CDK14: variants seen among roughly 807,000 people sequenced by gnomAD.
The protein encoded by CDK14 is cyclin dependent kinase 14.
In CDK14, 34 loss-of-function variants were observed where a neutral mutation model predicts 60.7. The observed-to-expected ratio is 0.56, with a 90% CI of 0.43 to 0.75. The LOEUF (loss-of-function observed/expected upper bound fraction) is 0.75. CDK14 is among the 30% of genes least tolerant of loss of function. CDK14 has a pLI of 0.00. For synonymous variants in CDK14, 197 were observed against 203.7 expected (o/e 0.97, Z 0.28); for missense variants, 482 against 564.1 (o/e 0.85, Z 1.47).
chr7:90,806,688 C>T (rs199938415), intron 5 of CDK14, among the ~76,000 whole-genome samples: 16 of 152,292 alleles, frequency 1.1e-4, no homozygotes, highest in South Asian at 2.1e-4. Flanking sequence ...ACCTGGGAAG[C>T]ACAAGAGGTC....
At chr7:90,857,125 A>AG (rs398005433) in intron 5 of CDK14, among the ~76,000 whole-genome samples, 1 of 151,140 alleles carries the variant, frequency 6.6e-6, no homozygotes, top group East Asian at 1.9e-4. Flanking sequence ...GAAAAAAAAA[A>AG]CACACCACTA....
intron 9 of CDK14, among the ~76,000 whole-genome samples, chr7:90,968,830 A>AAC (rs1410620790): frequency 2.0e-5 from 3 of 151,726 alleles, no homozygotes; most frequent in African/African-American, 7.3e-5. Context: ...CAGAAAACAA[A>AAC]AAAAAAACAG....
chr7:90,780,805 T>G (rs1157449701), intron 4 of CDK14, among the ~76,000 whole-genome samples: 1 of 151,822 alleles, frequency 6.6e-6, no homozygotes, highest in Non-Finnish European at 1.5e-5. Context: ...TCTATCATTG[T>G]TGGACATTTG....
chr7:90,783,974 C>G (rs915716291), intron 4 of CDK14, among the ~76,000 whole-genome samples: 3 of 152,052 alleles, frequency 2.0e-5, no homozygotes, highest in African/African-American at 7.2e-5. Flanking sequence ...ACCTGCACCC[C>G]CATGTTTATT....
At chr7:91,125,704 A>T (rs1052091811) in intron 14 of CDK14, among the ~76,000 whole-genome samples, 3 of 152,206 alleles carry the variant, frequency 2.0e-5, no homozygotes, top group African/African-American at 7.2e-5. Context: ...AGTTAGAGTC[A>T]TTGGTGGAAA....
intron 9 of CDK14, among the ~76,000 whole-genome samples, chr7:90,957,406 C>G (rs1239050693): frequency 6.6e-6 from 1 of 152,142 alleles, no homozygotes; most frequent in African/African-American, 2.4e-5. Context: ...AAGAGGAAGT[C>G]AAATTGTCCC....
chr7:90,883,205 C>T (rs117611128), intron 6 of CDK14, among the ~76,000 whole-genome samples: 1 of 151,508 alleles, frequency 6.6e-6, no homozygotes, highest in African/African-American at 2.4e-5. Flanking sequence ...CCTAGCTAGA[C>T]TAATAAAGAA....
chr7:91,105,604 A>T (rs765127201), intron 12 of CDK14, among the ~76,000 whole-genome samples: 1 of 152,182 alleles, frequency 6.6e-6, no homozygotes, highest in African/African-American at 2.4e-5. Flanking sequence ...CACATTCTCA[A>T]TCCAGGCCTC....
chr7:90,905,270 G>A (rs1051291757), intron 7 of CDK14, among the ~76,000 whole-genome samples: 6 of 152,144 alleles, frequency 3.9e-5, no homozygotes, highest in African/African-American at 1.4e-4. Flanking sequence ...TTGTTAGTTA[G>A]AATACCAAAT....
intron 4 of CDK14, among the ~76,000 whole-genome samples, chr7:90,748,765 CTT>C (rs1382117626): frequency 6.6e-6 from 1 of 152,012 alleles, no homozygotes; most frequent in Non-Finnish European, 1.5e-5. Flanking sequence ...TTAAAAAACT[CTT>C]TTGCAGAAAC....
In CDK14 at chr7:90,596,569, GT is replaced by G; in HGVS notation, c.-57del. 6.8e-7 allele frequency: 1 copy of G among 1,463,796 alleles called. No individual in the cohort carries two copies. The highest frequency in any genetic ancestry group is 9.5e-7 in the Non-Finnish European group (1 of 1,052,650). 90.7% of individuals were successfully genotyped at this position (1,463,796 alleles called of 1,614,324 possible). Reference sequence around the variant, plus strand: ...TTTCCCCGCGGCGCGCGCCCTCGCCGTTGTCTGAGCTGTGCCTGGACCAGTT... The same window carrying G: ...TTTCCCCGCGGCGCGCGCCCTCGCCGTGTCTGAGCTGTGCCTGGACCAGTT... On this transcript the variant is annotated 5_prime_UTR_variant, in exon 1 of 15. Transcript: ENST00000380050.
intron 4 of CDK14, among the ~76,000 whole-genome samples, chr7:90,787,499 A>G (rs1203911248): frequency 2.0e-5 from 3 of 152,230 alleles, no homozygotes; most frequent in African/African-American, 7.2e-5. Flanking sequence ...TTTTGGAAAT[A>G]ATACTTTTAG....
Position 90,606,442 on chromosome 7 carries a change from T to C in CDK14, c.123+2193T>C, listed in dbSNP as rs566396364. On this transcript the variant is annotated intron_variant, in intron 2 of 14. Coordinates refer to ENST00000380050, the MANE Select transcript of CDK14 (RefSeq NM_001287135.2). The stretch of plus-strand genomic sequence containing the variant: ...TCACAAAAAGTGAATAGCTCATAAT[T>C]GGTGTTATCATCTTCATTGCCTTCA... Among the ~76,000 whole-genome samples, 9 of 152,344 alleles carry C rather than the reference T, an allele frequency of 5.9e-5. No homozygotes were observed. In the East Asian group the frequency reaches 1.7e-3, roughly 29 times the overall value.
chr7:91,171,016 T>C (rs1801501007), intron 14 of CDK14, among the ~76,000 whole-genome samples: 1 of 152,030 alleles, frequency 6.6e-6, no homozygotes, highest in African/African-American at 2.4e-5. Context: ...GATTTGGTGA[T>C]CCACCCACCT....
At chr7:91,062,768 CACCCCAAAGGTGTACTAT>C in intron 11 of CDK14, among the ~76,000 whole-genome samples, 1 of 152,218 alleles carries the variant, frequency 6.6e-6, no homozygotes, top group South Asian at 2.1e-4. Flanking sequence ...AAAAACAAAC[CACCCCAAAGGTGTACTAT>C]ACCCCACTAA....
rs542657235 is a variant in CDK14 at position 90,740,309 on chromosome 7, A to AGT, written c.370-7359_370-7358dup. ...GAGAGAGAAAGAAAGAAAGAGAAAG[A>AGT]GTGTGTGTGTGTGTTATGGGCTGAA... is the stretch of plus-strand genomic sequence containing the variant. On this transcript the variant is annotated intron_variant, in intron 3 of 14. Transcript: ENST00000380050. Among the ~76,000 whole-genome samples the AGT allele has an allele frequency of 6.0e-3, 906 of 151,250 alleles. 14 individuals carry two copies. The highest frequency in any genetic ancestry group is 0.027 in the Middle Eastern group (8 of 294).
At chr7:90,615,705 A>G (rs1053800392) in intron 2 of CDK14, among the ~76,000 whole-genome samples, 2 of 152,138 alleles carry the variant, frequency 1.3e-5, no homozygotes, top group Non-Finnish European at 2.9e-5. Context: ...TCTCTTGGAT[A>G]ACTTAGTTGT....
chr7:90,934,177 G>A (rs529402343), intron 8 of CDK14, among the ~76,000 whole-genome samples: 3 of 152,374 alleles, frequency 2.0e-5, no homozygotes, highest in East Asian at 3.9e-4. Context: ...GAGGGTTTCA[G>A]CATGTGTTTC....
chr7:90,889,348 G>GT (rs1792044911), intron 6 of CDK14, among the ~76,000 whole-genome samples: 1 of 152,168 alleles, frequency 6.6e-6, no homozygotes, highest in Non-Finnish European at 1.5e-5. Context: ...CAAATAGTAA[G>GT]TTTTTTGTTT....
Sources: allele counts gnomAD v4.1 joint callset (sites outside exome capture counted in the v4.1 genomes callset), GRCh38; gene constraint gnomAD v4.1.1; transcripts MANE v1.5; gene names NCBI Gene and HGNC (gene_info 2026-07-23, HGNC 2026-07-21).